Variants in HMCN1 observed in about 807,000 individuals in gnomAD.
HMCN1 encodes hemicentin-1.
A neutral mutation model predicts 625.9 loss-of-function variants in HMCN1; 321 were observed. The ratio of observed to expected loss-of-function variants is 0.51; its 90% CI spans 0.47 to 0.56. HMCN1 has a LOEUF of 0.56. HMCN1 is among the 20% of genes least tolerant of loss of function. The probability of loss-of-function intolerance (pLI) is 0.00; values close to 1 mark genes in which losing one functional copy is unlikely to be tolerated. For missense variants in HMCN1, 6,588 were observed against 6,887.3 expected (o/e 0.96, Z 1.54); for synonymous variants, 2,425 against 2,417.6 (o/e 1.00, Z -0.09).
At chr1:185,995,676 T>G (rs1652736167) in intron 24 of HMCN1, among the ~76,000 whole-genome samples, 1 of 152,048 alleles carries the variant, frequency 6.6e-6, no homozygotes. Context: ...AATACGATTG[T>G]GAAAAGTGCT....
chr1:185,758,539 G>A (rs1002270020), intron 1 of HMCN1, among the ~76,000 whole-genome samples: 1 of 152,192 alleles, frequency 6.6e-6, no homozygotes. Context: ...GGGAGGCTGA[G>A]GTGAGAGAAT....
At chr1:185,958,137 G>A (rs934931385) in intron 11 of HMCN1, among the ~76,000 whole-genome samples, 1 of 152,124 alleles carries the variant, frequency 6.6e-6, no homozygotes, top group African/African-American at 2.4e-5. Context: ...CTGGAGTGCA[G>A]TGATGCAATC....
intron 4 of HMCN1, among the ~76,000 whole-genome samples, chr1:185,888,620 G>C (rs1446846171): frequency 1.4e-4 from 21 of 147,102 alleles, no homozygotes; most frequent in Non-Finnish European, 2.5e-4. Context: ...GATAGTTGTA[G>C]ATATGCGGCG....
chr1:186,101,378 C>A (rs1315996324), intron 68 of HMCN1, among the ~76,000 whole-genome samples: 2 of 151,874 alleles, frequency 1.3e-5, no homozygotes, highest in Admixed American at 1.3e-4. Context: ...GCAGAAAATA[C>A]TGGAAAAAAA....
chr1:186,178,507 A>G lies in HMCN1; in HGVS notation c.16035A>G (p.Gln5345=). Residue 5345 remains glutamine, a synonymous_variant, in exon 104 of 107, where the codon CAA becomes CAG. Coordinates refer to ENST00000271588, the MANE Select transcript of HMCN1 (RefSeq NM_031935.3). Reference sequence around the variant, plus strand: ...TCAAGTGTATCTGTCCACCAGGACAACATTTATTAGGGGACGGGAAATCTT... The same window carrying G: ...TCAAGTGTATCTGTCCACCAGGACAGCATTTATTAGGGGACGGGAAATCTT... The part of the protein sequence containing the change: ...GSFKCICPPG[Q]HLLGDGKSCA... 1 of 1,614,096 alleles carries G rather than the reference A, an allele frequency of 6.2e-7. No individual in the cohort carries two copies. Among genetic ancestry groups the G allele is most frequent in the Non-Finnish European group, 8.5e-7 (1 of 1,179,982 alleles).
intron 1 of HMCN1, among the ~76,000 whole-genome samples, chr1:185,763,707 A>G (rs1474552795): frequency 2.6e-5 from 4 of 152,164 alleles, no homozygotes; most frequent in Non-Finnish European, 4.4e-5. Context: ...AACAGTCGCA[A>G]TTTTGGCATG....
chr1:186,119,073 G>C (rs1321971856), intron 77 of HMCN1, 118 bp from the exon 78 acceptor site: 3 of 752,200 alleles, frequency 4.0e-6, no homozygotes, highest in Non-Finnish European at 7.1e-6. Flanking sequence ...ATACAAGTAT[G>C]AATATAAGCC....
chr1:185,846,856 T>C (rs756334284), intron 2 of HMCN1, among the ~76,000 whole-genome samples: 1 of 152,188 alleles, frequency 6.6e-6, no homozygotes, highest in Non-Finnish European at 1.5e-5. Flanking sequence ...CCTTTTCAGT[T>C]CCTTGACCTA....
At chr1:185,987,232 A>AT (rs1652062470) in intron 19 of HMCN1, among the ~76,000 whole-genome samples, 200 bp from the exon 20 acceptor site, 1 of 151,842 alleles carries the variant, frequency 6.6e-6, no homozygotes, top group African/African-American at 2.4e-5. Context: ...TTTTTATTTC[A>AT]TTTTTCAGAT....
At chr1:185,933,007 G>A (rs1239612037) in intron 10 of HMCN1, among the ~76,000 whole-genome samples, 1 of 151,928 alleles carries the variant, frequency 6.6e-6, no homozygotes, top group African/African-American at 2.4e-5. Context: ...TTAATGGTCT[G>A]TTCCTACTGT....
rs766145490 is a variant in HMCN1, at chr1:185,911,715, A to G, written c.835A>G (p.Asn279Asp). The change falls in exon 6 of 107, where the codon AAT (asparagine) becomes GAT (aspartate). Residue 279 changes from asparagine to aspartate, a missense_variant. Physicochemically the swap from Asn to Asp is conservative, Grantham distance 23. Around this residue, in one of 3 missense-constraint regions of HMCN1, gnomAD observed 4,628 missense variants for 4,853.1 expected, o/e 0.95. Transcript: ENST00000271588. Reference sequence around the variant, plus strand: ...GGGATTTGGCCTGCATGAGCTATTAAATATCCATAACTCTGCCAAAGTAGT... The same window carrying G: ...GGGATTTGGCCTGCATGAGCTATTAGATATCCATAACTCTGCCAAAGTAGT... ...KKGFGLHELL[N>D]IHNSAKVVNV... 3.7e-5 allele frequency: 59 copies of G among 1,613,496 alleles called. 1 individual carries two copies. In the South Asian group the frequency reaches 6.1e-4, roughly 17 times the overall value.
At position 186,161,818 on chromosome 1, in the gene HMCN1, G is replaced by T. The variant is rs1260102650; in HGVS notation, c.15257-3293G>T. 2.6e-5 allele frequency among the ~76,000 whole-genome samples: 4 copies of T among 152,272 alleles called. No homozygotes were observed. The South Asian group carries it at 8.3e-4, about 32-fold the overall frequency. ...GTTAGTCTGATGGGCTTCCCTTTGT[G>T]GGTAACCCAACCTTTCTCTCTGGCT... is the stretch of plus-strand genomic sequence containing the variant. On this transcript the variant is annotated intron_variant, in intron 97 of 106. Coordinates refer to ENST00000271588, the MANE Select transcript of HMCN1 (RefSeq NM_031935.3).
At chr1:185,780,174 T>C (rs1656960403) in intron 1 of HMCN1, among the ~76,000 whole-genome samples, 1 of 152,186 alleles carries the variant, frequency 6.6e-6, no homozygotes, top group South Asian at 2.1e-4. Flanking sequence ...ATAAGAATGC[T>C]TGTGATTTTT....
intron 69 of HMCN1, 120 bp downstream of exon 69, chr1:186,103,788 G>A: frequency 4.9e-6 from 4 of 820,590 alleles, no homozygotes; most frequent in Non-Finnish European, 7.7e-6. Flanking sequence ...TGTAACTGGA[G>A]CAGGATGGAT....
At chr1:185,814,374 T>A (rs987066403) in intron 1 of HMCN1, among the ~76,000 whole-genome samples, 2 of 152,208 alleles carry the variant, frequency 1.3e-5, no homozygotes, top group Non-Finnish European at 2.9e-5. Flanking sequence ...TACTTCCCGA[T>A]GTATACTGGT....
At chr1:185,965,228 G>A (rs1031925267) in intron 13 of HMCN1, among the ~76,000 whole-genome samples, 1 of 152,132 alleles carries the variant, frequency 6.6e-6, no homozygotes, top group South Asian at 2.1e-4. Context: ...ACAGGGAAAA[G>A]AAGGGTCAAA....
At chr1:186,083,309 T>C (rs1315682778) in intron 57 of HMCN1, among the ~76,000 whole-genome samples, 1 of 152,064 alleles carries the variant, frequency 6.6e-6, no homozygotes, top group African/African-American at 2.4e-5. Context: ...CTAGTCATGA[T>C]TGGAATTGGT....
chr1:186,104,122 T>C (rs1215498524), intron 69 of HMCN1, among the ~76,000 whole-genome samples: 1 of 152,206 alleles, frequency 6.6e-6, no homozygotes, highest in Non-Finnish European at 1.5e-5. Context: ...GTTTAGTTTA[T>C]GTTTAAGAAA....
chr1:185,801,733 G>C (rs2102225656), intron 1 of HMCN1, among the ~76,000 whole-genome samples: 2 of 152,238 alleles, frequency 1.3e-5, no homozygotes, highest in South Asian at 4.1e-4. Context: ...CGGACAGAGA[G>C]GAAAGGTCCT....
Sources: allele counts gnomAD v4.1 joint callset (sites outside exome capture counted in the v4.1 genomes callset), GRCh38; gene constraint gnomAD v4.1.1; regional missense constraint gnomAD v4.1.1; transcripts MANE v1.5; gene names NCBI Gene and HGNC (gene_info 2026-07-23, HGNC 2026-07-21).